Variants in TOPBP1 observed in about 807,000 individuals in gnomAD.
TOPBP1 encodes the protein DNA topoisomerase 2-binding protein 1.
In TOPBP1, 28 loss-of-function variants were observed where a neutral mutation model predicts 167.7. The observed-to-expected ratio is 0.17, with a 90% confidence interval of 0.12 to 0.23. The LOEUF (loss-of-function observed/expected upper bound fraction) is 0.23. TOPBP1 is among the 10% of genes least tolerant of loss of function. TOPBP1 has a pLI of 1.00. For synonymous variants in TOPBP1, 598 were observed against 611.4 expected (o/e 0.98, Z 0.32); for missense variants, 1,554 against 1,809.6 (o/e 0.86, Z 2.56).
rs143043269 is a variant in TOPBP1 at position 133,646,095 on chromosome 3, C to T, written c.1505-1732G>A. ...CCAGAAGGCAGAGGTTGCAGTGAGCCAAGACCACGCCACTGCACTCCAGCC... is the reference window on the plus strand; with the variant it reads ...CCAGAAGGCAGAGGTTGCAGTGAGCTAAGACCACGCCACTGCACTCCAGCC... On this transcript the variant is annotated intron_variant, in intron 10 of 27. Transcript: ENST00000260810. 4.9e-3 allele frequency among the ~76,000 whole-genome samples: 747 copies of T among 151,364 alleles called. 5 individuals are homozygous for T. The highest frequency in any genetic ancestry group is 6.8e-3 in the Non-Finnish European group (458 of 67,824).
intron 14 of TOPBP1, among the ~76,000 whole-genome samples, chr3:133,629,566 A>T (rs1247074636): frequency 6.6e-6 from 1 of 152,042 alleles, no homozygotes; most frequent in Admixed American, 6.6e-5. Context: ...ATTTCTTTTT[A>T]AAAAAACTAA....
At position 133,643,213 on chromosome 3, in the gene TOPBP1, G is replaced by A; in HGVS notation, c.2008C>T (p.Leu670Phe). The A allele has an allele frequency of 3.8e-6, 6 of 1,595,150 alleles. No individual in the cohort carries two copies. Among genetic ancestry groups the A allele is most frequent in the Non-Finnish European group, 5.1e-6 (6 of 1,173,716 alleles). Residue 670 changes from leucine (L) to phenylalanine (F), a missense_variant, in exon 12 of 28, where the codon CTC becomes TTC. Leu to Phe is a conservative substitution (Grantham distance 22). Transcript: ENST00000260810. Reference protein sequence around the residue: ...EKESLTFLANLLGASVQEYFV... With the variant: ...EKESLTFLANFLGASVQEYFV... Reference sequence around the variant, plus strand: ...AATATTACATACCTTGCTCCAAGGAGGTTTGCTAGGAATGTTAAAGACTCT... The same window carrying A: ...AATATTACATACCTTGCTCCAAGGAAGTTTGCTAGGAATGTTAAAGACTCT...
In TOPBP1 at chr3:133,638,035, C is replaced by G. The variant is rs752464637; in HGVS notation, c.2361G>C (p.Gln787His). The change falls in exon 14 of 28, where the codon CAG becomes CAC. Residue 787 changes from glutamine to histidine, a missense_variant. By Grantham distance (24) the Gln-to-His change is conservative (BLOSUM62 0). This residue lies in a region of TOPBP1 where 1,197 missense variants were observed against 1,351.5 expected (regional missense o/e 0.89). Coordinates refer to ENST00000260810, the MANE Select transcript of TOPBP1 (RefSeq NM_007027.4). ...AGACCACAGCACGGAAAGCTTTACT[C>G]TGAAAGCGGTTCATATCTAAAGGTG... ...VVTPLDMNRF[Q>H]SKAFRAVVSQ... 1.2e-6 allele frequency: 2 copies of G among 1,613,886 alleles called. No homozygotes were observed. Among genetic ancestry groups the G allele is most frequent in the East Asian group, 2.2e-5 (1 of 44,902 alleles).
intron 14 of TOPBP1, among the ~76,000 whole-genome samples, chr3:133,632,447 G>A (rs1368748752): frequency 6.6e-6 from 1 of 152,056 alleles, no homozygotes; most frequent in Middle Eastern, 3.4e-3. Flanking sequence ...CTCGGTCTGG[G>A]GTAGTTCTTT....
At position 133,643,251 on chromosome 3, in the gene TOPBP1, G is replaced by A; in HGVS notation, c.1970C>T (p.Ala657Val). 1 of 1,610,282 alleles carries A rather than the reference G, an allele frequency of 6.2e-7. No individual in the cohort carries two copies. Among genetic ancestry groups the A allele is most frequent in the Non-Finnish European group, 8.5e-7 (1 of 1,178,564 alleles). Residue 657 changes from alanine (A) to valine (V), a missense_variant, in exon 12 of 28, where the codon GCT becomes GTT. Ala to Val is a moderately conservative substitution (Grantham distance 64). Transcript: ENST00000260810. Reference protein sequence around the residue: ...EDCVISFSQCAGAEKESLTFL... With the variant: ...EDCVISFSQCVGAEKESLTFL... ...TGTTAAAGACTCTTTTTCTGCTCCA[G>A]CACACTGGCTAAATGAAATAACACA...
chr3:133,655,155 A>G (rs758346593), intron 6 of TOPBP1, 135 bp downstream of exon 6: 37 of 400,860 alleles, frequency 9.2e-5, no homozygotes, highest in Non-Finnish European at 1.3e-4. Flanking sequence ...CAGTGAGCTG[A>G]GATTGTGCCA....
intron 12 of TOPBP1, among the ~76,000 whole-genome samples, chr3:133,641,752 G>A (rs1439380744): frequency 6.6e-6 from 1 of 152,066 alleles, no homozygotes; most frequent in East Asian, 1.9e-4. Context: ...TGTATCCAGT[G>A]GAGTCTGTCA....
chr3:133,633,609 G>T (rs780883564), intron 14 of TOPBP1, among the ~76,000 whole-genome samples: 1 of 152,104 alleles, frequency 6.6e-6, no homozygotes, highest in Non-Finnish European at 1.5e-5. Context: ...TGAGCAATGT[G>T]GTAAGATCCC....
At chr3:133,610,832 T>G (rs904726245) in intron 25 of TOPBP1, among the ~76,000 whole-genome samples, 172 bp downstream of exon 25, 3 of 151,966 alleles carry the variant, frequency 2.0e-5, no homozygotes, top group African/African-American at 7.3e-5. Context: ...AGAAATGCAA[T>G]ATGGGCCACA....
At chr3:133,624,278 A>G in intron 16 of TOPBP1, 103 bp from the exon 17 acceptor site, 1 of 1,317,434 alleles carries the variant, frequency 7.6e-7, no homozygotes, top group Non-Finnish European at 1.0e-6. Flanking sequence ...CCTTCCCAAA[A>G]CTTTCGGACT....
chr3:133,652,688 G>T, intron 7 of TOPBP1, 59 bp from the exon 8 acceptor site: 6 of 1,374,942 alleles, frequency 4.4e-6, no homozygotes, highest in Non-Finnish European at 6.0e-6. Context: ...ATTACATATT[G>T]TCTATGGATT....
chr3:133,632,114 T>A (rs1238521270), intron 14 of TOPBP1, among the ~76,000 whole-genome samples: 1 of 152,008 alleles, frequency 6.6e-6, no homozygotes, highest in African/African-American at 2.4e-5. Context: ...AAACCTCTTT[T>A]CTTTATAAAG....
At chr3:133,617,511 C>A in intron 21 of TOPBP1, 185 bp from the exon 22 acceptor site, 2 of 488,736 alleles carry the variant, frequency 4.1e-6, no homozygotes, top group Non-Finnish European at 6.7e-6. Context: ...CTGCATGTGA[C>A]AATAATAACA....
rs1024954400 is a variant in TOPBP1, at chr3:133,650,012, A to C, written c.1090-69T>G. 3.1e-6 allele frequency: 4 copies of C among 1,273,118 alleles called. No individual in the cohort carries two copies. In the African/African-American group the frequency reaches 6.1e-5, roughly 19 times the overall value. 78.9% of individuals were successfully genotyped at this position (1,273,118 alleles called of 1,614,324 possible). A position where few individuals can be genotyped will look rare whatever the true frequency, so the allele number is the denominator to read the frequency against. On this transcript the variant is annotated intron_variant, in intron 8 of 27. Coordinates refer to ENST00000260810, the MANE Select transcript of TOPBP1 (RefSeq NM_007027.4). ...CAATAGAAAAAAACTAAAAATATAT[A>C]TCTAAATCCACTGTGTATAAATAAG...
rs1220518691 is a variant in TOPBP1, at chr3:133,608,427, A to G, written c.4425+108T>C. The G allele has an allele frequency of 8.2e-6, 10 of 1,220,146 alleles. No individual in the cohort carries two copies. The East Asian group carries it at 1.6e-4, about 20-fold the overall frequency. 75.6% of individuals were successfully genotyped at this position (1,220,146 alleles called of 1,614,324 possible). ...CTGGAATAGAAGAGAATAACAGGAGACTAATCTTCTACTAATCATGAGCTG... is the reference window on the plus strand; with the variant it reads ...CTGGAATAGAAGAGAATAACAGGAGGCTAATCTTCTACTAATCATGAGCTG... On this transcript the variant is annotated intron_variant, in intron 27 of 27. Coordinates refer to ENST00000260810, the MANE Select transcript of TOPBP1 (RefSeq NM_007027.4).
intron 12 of TOPBP1, among the ~76,000 whole-genome samples, chr3:133,642,111 T>C (rs1010218703): frequency 1.3e-5 from 2 of 152,090 alleles, no homozygotes; most frequent in African/African-American, 4.8e-5. Flanking sequence ...TGCCTTAGCC[T>C]CCCGAGTAGC....
At chr3:133,642,676 G>A (rs1041463188) in intron 12 of TOPBP1, among the ~76,000 whole-genome samples, 1 of 152,248 alleles carries the variant, frequency 6.6e-6, no homozygotes, top group South Asian at 2.1e-4. Context: ...ATCGACTATT[G>A]ATGTTCAATG....
intron 14 of TOPBP1, among the ~76,000 whole-genome samples, chr3:133,633,755 C>T (rs549242226): frequency 6.6e-6 from 1 of 152,320 alleles, no homozygotes; most frequent in Non-Finnish European, 1.5e-5. Context: ...CATGCCACTA[C>T]ACTCCAGCCT....
chr3:133,633,679 T>C (rs1038619842), intron 14 of TOPBP1, among the ~76,000 whole-genome samples: 1 of 152,182 alleles, frequency 6.6e-6, no homozygotes, highest in African/African-American at 2.4e-5. Context: ...GAAGTCCTAG[T>C]TGCTTTGAAG....
Sources: allele counts gnomAD v4.1 joint callset (sites outside exome capture counted in the v4.1 genomes callset), GRCh38; gene constraint gnomAD v4.1.1; regional missense constraint gnomAD v4.1.1; transcripts MANE v1.5; gene names NCBI Gene and HGNC (gene_info 2026-07-23, HGNC 2026-07-21).